Variants in SMYD3 observed in about 807,000 individuals in gnomAD.
SMYD3 encodes the protein SET and MYND domain containing 3.
In SMYD3, 36 loss-of-function variants were observed where a neutral mutation model predicts 57.7. The ratio of observed to expected loss-of-function variants is 0.62; its 90% CI spans 0.48 to 0.82. SMYD3 has a LOEUF of 0.82. SMYD3 is among the 40% of genes least tolerant of loss of function. The pLI, the probability that SMYD3 is intolerant of heterozygous loss-of-function variation, is 0.00. For synonymous variants in SMYD3, 211 were observed against 195.0 expected (o/e 1.08, Z -0.68); for missense variants, 515 against 538.8 (o/e 0.96, Z 0.44).
chr1:245,803,912 T>C (rs1409794733), intron 10 of SMYD3, among the ~76,000 whole-genome samples: 1 of 49,672 alleles, frequency 2.0e-5, no homozygotes, highest in Non-Finnish European at 6.7e-5. Flanking sequence ...CGTAAGTCAG[T>C]ATTTTTTTTT....
intron 5 of SMYD3, among the ~76,000 whole-genome samples, chr1:246,055,206 G>T (rs2060131407): frequency 6.6e-6 from 1 of 151,890 alleles, no homozygotes; most frequent in South Asian, 2.1e-4. Flanking sequence ...ACAAATGTTG[G>T]CAAGGATGTA....
At chr1:245,822,005 T>G (rs567606361) in intron 10 of SMYD3, among the ~76,000 whole-genome samples, 5 of 152,208 alleles carry the variant, frequency 3.3e-5, no homozygotes, top group Admixed American at 6.5e-5. Context: ...CTCAGGGATC[T>G]CGAACTAGAA....
At chr1:246,313,652 T>G in intron 5 of SMYD3, among the ~76,000 whole-genome samples, 1 of 152,234 alleles carries the variant, frequency 6.6e-6, no homozygotes, top group Non-Finnish European at 1.5e-5. Context: ...CTAATGCTTT[T>G]CTTTTACTTG....
intron 5 of SMYD3, among the ~76,000 whole-genome samples, chr1:246,124,452 T>C (rs1399362622): frequency 6.6e-6 from 1 of 152,186 alleles, no homozygotes; most frequent in Non-Finnish European, 1.5e-5. Flanking sequence ...TCTTTGAAGG[T>C]AATTAAATTG....
intron 7 of SMYD3, among the ~76,000 whole-genome samples, chr1:245,922,064 T>C (rs1162307266): frequency 6.6e-6 from 1 of 152,236 alleles, no homozygotes; most frequent in Non-Finnish European, 1.5e-5. Context: ...TAAATGAAAT[T>C]ACATTTCTTT....
intron 5 of SMYD3, among the ~76,000 whole-genome samples, chr1:246,295,368 GCAAA>G (rs1404968345): frequency 4.6e-5 from 7 of 152,298 alleles, no homozygotes; most frequent in African/African-American, 1.7e-4. Context: ...GAGTTGATGA[GCAAA>G]CAAAGTGTTT....
chr1:245,792,714 G>C (rs79386024), intron 10 of SMYD3, among the ~76,000 whole-genome samples: 2,705 of 152,208 alleles, frequency 0.018, 55 homozygotes, highest in East Asian at 0.11. Context: ...CTAACATATA[G>C]CTTCTTTACA....
intron 5 of SMYD3, among the ~76,000 whole-genome samples, chr1:246,159,273 G>GT (rs1268642841): frequency 1.3e-5 from 2 of 152,186 alleles, no homozygotes; most frequent in Non-Finnish European, 2.9e-5. Flanking sequence ...CCATTAGGGA[G>GT]CCAAGCTCCT....
intron 1 of SMYD3, among the ~76,000 whole-genome samples, chr1:246,401,265 G>A (rs2066763378): frequency 6.6e-6 from 1 of 152,140 alleles, no homozygotes; most frequent in African/African-American, 2.4e-5. Flanking sequence ...GGGAGGCCAA[G>A]GCAGGAGTAT....
intron 1 of SMYD3, among the ~76,000 whole-genome samples, chr1:246,434,566 C>G (rs1389307673): frequency 6.6e-6 from 1 of 152,166 alleles, no homozygotes; most frequent in East Asian, 1.9e-4. Context: ...CACTAATCAT[C>G]AGAGAAATGC....
In SMYD3 at chr1:246,004,533, C is replaced by A. The variant is rs189588963; in HGVS notation, c.532-74596G>T. Among the ~76,000 whole-genome samples, 168 of 152,346 alleles carry A rather than the reference C, an allele frequency of 1.1e-3. 1 individual carries two copies. The highest frequency in any genetic ancestry group is 3.7e-3 in the African/African-American group (152 of 41,584). ...TTAATGGCCATGAATGACAGCCTCC[C>A]GATTACACTGTAACTATGAAACACG... is the stretch of plus-strand genomic sequence containing the variant. On this transcript the variant is annotated intron_variant, in intron 5 of 11. Transcript: ENST00000490107.
intron 5 of SMYD3, among the ~76,000 whole-genome samples, chr1:246,126,817 ACAAG>A (rs1427002424): frequency 6.6e-6 from 1 of 152,234 alleles, no homozygotes; most frequent in Non-Finnish European, 1.5e-5. Flanking sequence ...GGAATAGTCA[ACAAG>A]TAAGCATTTA....
intron 1 of SMYD3, among the ~76,000 whole-genome samples, chr1:246,491,559 AAG>A (rs1553356215): frequency 1.3e-4 from 19 of 148,370 alleles, no homozygotes; most frequent in African/African-American, 4.4e-4. Flanking sequence ...AAAAAAAAAA[AAG>A]AGAGAGAAAT....
At chr1:246,029,309 A>T (rs1273300711) in intron 5 of SMYD3, among the ~76,000 whole-genome samples, 3 of 152,222 alleles carry the variant, frequency 2.0e-5, no homozygotes, top group African/African-American at 7.2e-5. Context: ...CATGTTCAGC[A>T]AGGAATTAAT....
chr1:246,097,989 C>T (rs77962336), intron 5 of SMYD3, among the ~76,000 whole-genome samples: 4,954 of 152,194 alleles, frequency 0.033, 278 homozygotes, highest in African/African-American at 0.11. Flanking sequence ...TTAGTTTTGT[C>T]GTAGTGTTTT....
At chr1:246,260,022 G>A (rs572279694) in intron 5 of SMYD3, among the ~76,000 whole-genome samples, 57 of 152,254 alleles carry the variant, frequency 3.7e-4, no homozygotes, top group African/African-American at 1.0e-3. Flanking sequence ...AGGGTGACTC[G>A]AACTGCTGAA....
intron 5 of SMYD3, among the ~76,000 whole-genome samples, chr1:246,247,660 C>T (rs1341685355): frequency 6.6e-6 from 1 of 151,952 alleles, no homozygotes; most frequent in Non-Finnish European, 1.5e-5. Context: ...GTCAGCTACT[C>T]ATCACTCATT....
At chr1:246,506,097 C>T (rs2068532277) in intron 1 of SMYD3, among the ~76,000 whole-genome samples, 1 of 152,190 alleles carries the variant, frequency 6.6e-6, no homozygotes, top group Admixed American at 6.5e-5. Context: ...CTTACCGTCC[C>T]ACCTCCACCC....
At chr1:246,104,427 A>C (rs2061079319) in intron 5 of SMYD3, among the ~76,000 whole-genome samples, 1 of 152,256 alleles carries the variant, frequency 6.6e-6, no homozygotes, top group Non-Finnish European at 1.5e-5. Flanking sequence ...AATAAGAAAC[A>C]AAATAAAAAG....
Sources: allele counts gnomAD v4.1 joint callset (sites outside exome capture counted in the v4.1 genomes callset), GRCh38; gene constraint gnomAD v4.1.1; transcripts MANE v1.5; gene names NCBI Gene and HGNC (gene_info 2026-07-23, HGNC 2026-07-21).